Variants in OR4N2 observed in about 807,000 individuals in gnomAD.
OR4N2 encodes the protein olfactory receptor 4N2.
For missense variants in OR4N2, 307 were observed against 377.6 expected, an observed-to-expected ratio of 0.81 and a Z score of 1.55; for synonymous variants, 141 against 140.4, an observed-to-expected ratio of 1.00 and a Z score of -0.03.
intron 1 of OR4N2, among the ~76,000 whole-genome samples, chr14:19,816,340 G>A (rs776531020): frequency 2.6e-5 from 4 of 152,216 alleles, no homozygotes; most frequent in Non-Finnish European, 4.4e-5. Flanking sequence ...AGCACAGAAT[G>A]TTTTTCCATT....
intron 1 of OR4N2, among the ~76,000 whole-genome samples, chr14:19,813,305 G>A (rs1780880): frequency 0.062 from 9,249 of 150,254 alleles, 55 homozygotes; most frequent in East Asian, 0.17. Flanking sequence ...TGGTTATATG[G>A]ATTTGTAGAC....
chr14:19,818,085 C>T (rs892860643), intron 1 of OR4N2, among the ~76,000 whole-genome samples: 4 of 152,184 alleles, frequency 2.6e-5, no homozygotes, highest in African/African-American at 9.6e-5. Flanking sequence ...TTTGCATTTG[C>T]TGAGGAGTGC....
chr14:19,813,655 A>G (rs1431863741), intron 1 of OR4N2, among the ~76,000 whole-genome samples: 2 of 152,222 alleles, frequency 1.3e-5, no homozygotes, highest in African/African-American at 4.8e-5. Context: ...ATGAGTTTAG[A>G]ATACATGCAT....
intron 1 of OR4N2, among the ~76,000 whole-genome samples, chr14:19,806,154 A>G (rs1361363040): frequency 6.6e-6 from 1 of 152,140 alleles, no homozygotes. Context: ...GACACTATGA[A>G]GCACTACACA....
intron 1 of OR4N2, among the ~76,000 whole-genome samples, chr14:19,809,262 A>G (rs1879239005): frequency 6.6e-6 from 1 of 152,248 alleles, no homozygotes; most frequent in Admixed American, 6.5e-5. Context: ...TCCTAGAAGA[A>G]AACCTAGGAA....
intron 1 of OR4N2, among the ~76,000 whole-genome samples, chr14:19,812,329 C>CTT (rs3078143): frequency 0.032 from 3,738 of 117,302 alleles, 80 homozygotes; most frequent in African/African-American, 0.047. Context: ...CTTTTCTTTT[C>CTT]TTTTTTTTTT....
At chr14:19,814,962 G>C (rs1390178409) in intron 1 of OR4N2, among the ~76,000 whole-genome samples, 2 of 152,192 alleles carry the variant, frequency 1.3e-5, no homozygotes, top group Non-Finnish European at 2.9e-5. Flanking sequence ...GAGAATGATG[G>C]TTTCCAGCTT....
At position 19,828,486 on chromosome 14, in the gene OR4N2, T is replaced by A; in HGVS notation, c.*114T>A. The A allele has an allele frequency of 3.6e-6, 4 of 1,110,278 alleles. No homozygotes were observed. The highest frequency in any genetic ancestry group is 5.1e-5 in the East Asian group (2 of 38,872). The allele number at this position is 1,110,278 out of a possible 1,614,324, so 68.8% of individuals were successfully genotyped here. On this transcript the variant is annotated 3_prime_UTR_variant, in exon 2 of 2. Transcript: ENST00000557677. ...AGTACCTCCCATTTGTCAGGACTAT[T>A]CTGGGAACTGAAAAAAGAAATTACT...
At chr14:19,812,333 T>TTC (rs2091578679) in intron 1 of OR4N2, among the ~76,000 whole-genome samples, 1 of 142,826 alleles carries the variant, frequency 7.0e-6, no homozygotes, top group Non-Finnish European at 1.5e-5. Context: ...TCTTTTCTTT[T>TTC]TTTTTTTTTT....
chr14:19,812,329 C>CTGTTTTTTTTTT (rs1879319491), intron 1 of OR4N2, among the ~76,000 whole-genome samples: 2 of 117,438 alleles, frequency 1.7e-5, no homozygotes, highest in African/African-American at 6.6e-5. Context: ...CTTTTCTTTT[C>CTGTTTTTTTTTT]TTTTTTTTTT....
chr14:19,810,286 C>A (rs934022275), intron 1 of OR4N2, among the ~76,000 whole-genome samples: 3 of 152,174 alleles, frequency 2.0e-5, no homozygotes, highest in African/African-American at 7.2e-5. Context: ...AAAACCACAA[C>A]GAGATACCAA....
intron 1 of OR4N2, 75 bp downstream of exon 1, chr14:19,803,919 G>A (rs1041455221): frequency 4.6e-5 from 7 of 152,162 alleles, no homozygotes; most frequent in Non-Finnish European, 1.0e-4. Context: ...TTTCTTCCTA[G>A]TTCAATCTTA....
rs186085441 is a variant in OR4N2 at position 19,824,962 on chromosome 14, T to C, written c.-9-2478T>C. Among the ~76,000 whole-genome samples, 224 of 152,358 alleles carry C rather than the reference T, an allele frequency of 1.5e-3. 1 individual carries two copies. The highest frequency in any genetic ancestry group is 3.4e-3 in the Middle Eastern group (1 of 294). On this transcript the variant is annotated intron_variant, in intron 1 of 1. Coordinates refer to ENST00000557677, the MANE Select transcript of OR4N2 (RefSeq NM_001004723.3). ...GGGGTCTGCCCCCTTAACTCCTGCATTGTTCAAGCGTCGACTGTAGAAGGG... is the reference window on the plus strand; with the variant it reads ...GGGGTCTGCCCCCTTAACTCCTGCACTGTTCAAGCGTCGACTGTAGAAGGG...
intron 1 of OR4N2, among the ~76,000 whole-genome samples, chr14:19,821,242 C>T (rs1879557985): frequency 6.6e-6 from 1 of 152,258 alleles, no homozygotes; most frequent in Non-Finnish European, 1.5e-5. Flanking sequence ...CTTTGGCTTA[C>T]CCTCCGTGGG....
intron 1 of OR4N2, chr14:19,822,237 A>G (rs1204294000): frequency 6.8e-6 from 1 of 146,380 alleles, no homozygotes; most frequent in Admixed American, 6.7e-5. Flanking sequence ...CTTTAATTCT[A>G]TTATAATTTT....
At chr14:19,804,255 G>T (rs1879110440) in intron 1 of OR4N2, among the ~76,000 whole-genome samples, 1 of 151,520 alleles carries the variant, frequency 6.6e-6, no homozygotes, top group South Asian at 2.1e-4. Context: ...GGACTGATTT[G>T]CTTTTGTTTC....
intron 1 of OR4N2, among the ~76,000 whole-genome samples, chr14:19,817,963 A>T (rs1234602294): frequency 1.3e-5 from 2 of 152,230 alleles, no homozygotes; most frequent in South Asian, 4.1e-4. Flanking sequence ...GTCATTCAGG[A>T]GCAGGTTGTT....
intron 1 of OR4N2, among the ~76,000 whole-genome samples, chr14:19,806,452 CCAA>C (rs1376751218): frequency 3.3e-5 from 5 of 151,996 alleles, no homozygotes; most frequent in African/African-American, 4.8e-5. Flanking sequence ...ATGAAACAAG[CCAA>C]CAACAATTAC....
intron 1 of OR4N2, among the ~76,000 whole-genome samples, chr14:19,825,968 A>G (rs1879687836): frequency 6.6e-6 from 1 of 152,246 alleles, no homozygotes; most frequent in South Asian, 2.1e-4. Context: ...CAAACTTAAA[A>G]AATCTATTCC....
Sources: allele counts gnomAD v4.1 joint callset (sites outside exome capture counted in the v4.1 genomes callset), GRCh38; gene constraint gnomAD v4.1.1; transcripts MANE v1.5; gene names NCBI Gene and HGNC (gene_info 2026-07-23, HGNC 2026-07-21).